The following GALNTL6 variants were observed in gnomAD, a reference collection of about 807,000 sequenced individuals.
GALNTL6 encodes the protein polypeptide N-acetylgalactosaminyltransferase-like 6.
A neutral mutation model predicts 73.7 loss-of-function variants in GALNTL6; 46 were observed. The observed-to-expected ratio is 0.62, with a 90% CI of 0.49 to 0.80. The LOEUF (loss-of-function observed/expected upper bound fraction) is 0.80. Ranked by LOEUF, GALNTL6 falls within the 30% of genes least tolerant of loss-of-function variation. The pLI is 0.00. For missense variants in GALNTL6, 604 were observed against 755.0 expected, an observed-to-expected ratio of 0.80 and a Z score of 2.34; for synonymous variants, 259 against 263.7, an observed-to-expected ratio of 0.98 and a Z score of 0.17.
At chr4:172,839,896 A>G (rs907930977) in intron 7 of GALNTL6, among the ~76,000 whole-genome samples, 2 of 152,218 alleles carry the variant, frequency 1.3e-5, no homozygotes, top group African/African-American at 4.8e-5. Context: ...TTATGTGAAC[A>G]TATGCAATTT....
chr4:172,682,719 C>T (rs1471707093), intron 5 of GALNTL6, among the ~76,000 whole-genome samples: 1 of 152,072 alleles, frequency 6.6e-6, no homozygotes, highest in African/African-American at 2.4e-5. Flanking sequence ...TTTCTCCCCA[C>T]TCAAAAAGGC....
At chr4:172,997,788 A>G (rs1431055078) in intron 10 of GALNTL6, among the ~76,000 whole-genome samples, 1 of 152,212 alleles carries the variant, frequency 6.6e-6, no homozygotes, top group Non-Finnish European at 1.5e-5. Flanking sequence ...GACACCGTAA[A>G]TACCCTGACT....
chr4:172,321,975 A>C (rs1271824230), intron 4 of GALNTL6, among the ~76,000 whole-genome samples: 1 of 152,178 alleles, frequency 6.6e-6, no homozygotes, highest in Non-Finnish European at 1.5e-5. Flanking sequence ...CCAAGCATGC[A>C]CACAAAGAGG....
At chr4:172,784,956 T>A (rs968626676) in intron 5 of GALNTL6, among the ~76,000 whole-genome samples, 1 of 152,104 alleles carries the variant, frequency 6.6e-6, no homozygotes, top group Non-Finnish European at 1.5e-5. Flanking sequence ...GCCAAATACT[T>A]ACTTGGCAGA....
At chr4:172,196,423 G>C (rs1451696743) in intron 2 of GALNTL6, among the ~76,000 whole-genome samples, 1 of 152,066 alleles carries the variant, frequency 6.6e-6, no homozygotes, top group Non-Finnish European at 1.5e-5. Context: ...TGATTAGGAG[G>C]GACTCCTCCC....
At chr4:171,958,441 T>G (rs1579007035) in intron 2 of GALNTL6, among the ~76,000 whole-genome samples, 1 of 152,274 alleles carries the variant, frequency 6.6e-6, no homozygotes, top group South Asian at 2.1e-4. Context: ...GGAAAATTTT[T>G]GTTTTTTTAA....
intron 2 of GALNTL6, among the ~76,000 whole-genome samples, chr4:171,857,061 A>G (rs1199835608): frequency 6.6e-6 from 1 of 152,182 alleles, no homozygotes. Flanking sequence ...TTTAGTATTT[A>G]ATAAATACAA....
intron 5 of GALNTL6, among the ~76,000 whole-genome samples, chr4:172,681,823 C>T (rs941236995): frequency 2.6e-5 from 4 of 152,122 alleles, no homozygotes; most frequent in African/African-American, 7.2e-5. Context: ...AGAATAACTC[C>T]AGAGCACCAG....
intron 2 of GALNTL6, among the ~76,000 whole-genome samples, chr4:172,206,805 G>GTTTGTTGTTTTTTTTTTTTTTTTTT (rs1554003003): frequency 7.7e-5 from 2 of 26,130 alleles, no homozygotes; most frequent in African/African-American, 9.5e-5. Context: ...TTGTTTTTCT[G>GTTTGTTGTTTTTTTTTTTTTTTTTT]TTTTTTTTGT....
chr4:172,344,926 G>A (rs985136802), intron 4 of GALNTL6, among the ~76,000 whole-genome samples: 7 of 151,980 alleles, frequency 4.6e-5, no homozygotes, highest in East Asian at 1.9e-4. Flanking sequence ...CTAGTTCCAC[G>A]TCTTCTTCCA....
intron 2 of GALNTL6, among the ~76,000 whole-genome samples, chr4:172,140,833 T>C (rs1425236597): frequency 2.0e-5 from 3 of 152,008 alleles, no homozygotes; most frequent in African/African-American, 7.2e-5. Flanking sequence ...GGAAATTTGT[T>C]TGTTTTCTAT....
chr4:172,859,983 A>G (rs576303053), intron 7 of GALNTL6, among the ~76,000 whole-genome samples: 1 of 152,312 alleles, frequency 6.6e-6, no homozygotes, highest in African/African-American at 2.4e-5. Context: ...TAATTATTTC[A>G]TTATACATTA....
At chr4:172,005,545 C>G (rs1340135112) in intron 2 of GALNTL6, among the ~76,000 whole-genome samples, 1 of 152,076 alleles carries the variant, frequency 6.6e-6, no homozygotes, top group East Asian at 1.9e-4. Flanking sequence ...GTACAAGCAC[C>G]ACACACTCAC....
At chr4:172,958,673 TAGGTAACAGATG>T (rs1749879972) in intron 10 of GALNTL6, among the ~76,000 whole-genome samples, 2 of 152,034 alleles carry the variant, frequency 1.3e-5, no homozygotes. Flanking sequence ...TATGTCGAGA[TAGGTAACAGATG>T]AGGAAGAAAT....
intron 3 of GALNTL6, among the ~76,000 whole-genome samples, chr4:172,281,065 A>G (rs1160286081): frequency 6.6e-6 from 1 of 151,808 alleles, no homozygotes; most frequent in Non-Finnish European, 1.5e-5. Flanking sequence ...GCTACTTAGG[A>G]GGCTGAGGCA....
At chr4:171,965,657 G>GAAAAA (rs10625618) in intron 2 of GALNTL6, among the ~76,000 whole-genome samples, 3,529 of 100,122 alleles carry the variant, frequency 0.035, 228 homozygotes, top group African/African-American at 0.069. Context: ...CTCCGTCTCA[G>GAAAAA]AAAAAAAAAA....
chr4:172,427,772 A>G (rs1484977499), intron 5 of GALNTL6, among the ~76,000 whole-genome samples: 2 of 152,152 alleles, frequency 1.3e-5, no homozygotes, highest in Non-Finnish European at 2.9e-5. Flanking sequence ...TGACACCGCT[A>G]TGCATTTTGT....
chr4:172,010,599 A>AT (rs11412161), intron 2 of GALNTL6, among the ~76,000 whole-genome samples: 141,965 of 151,696 alleles, frequency 0.94, 66,717 homozygotes, highest in East Asian at 1. Context: ...AAAATTTGGA[A>AT]TTTTTTTTAA....
rs1016880844 is a variant in GALNTL6, at chr4:171,829,676, G to C, written c.138+14958G>C. Among the ~76,000 whole-genome samples the C allele has an allele frequency of 3.3e-5, 5 of 152,164 alleles. No individual in the cohort carries two copies. In the South Asian group the frequency reaches 6.2e-4, roughly 19 times the overall value. On this transcript the variant is annotated intron_variant, in intron 2 of 12. Transcript: ENST00000506823. ...TTTGCATTAGATACAACAGTTTGAT[G>C]TTATATCTTCTTTTTCTGCCCTTAT...
Sources: gnomAD v4.1 joint callset for allele counts (sites outside exome capture counted in the v4.1 genomes callset) on GRCh38, gnomAD v4.1.1 for gene constraint, MANE v1.5 for transcripts, NCBI Gene and HGNC (gene_info 2026-07-23, HGNC 2026-07-21) for gene names.